The following LNX1 variants were observed in gnomAD, a reference collection of about 807,000 sequenced individuals.
The protein encoded by LNX1 is ligand of numb-protein X 1.
In LNX1, 54 loss-of-function variants were observed where a neutral mutation model predicts 68.4. The observed-to-expected ratio is 0.79, with a 90% CI of 0.63 to 0.99. The LOEUF (loss-of-function observed/expected upper bound fraction) is 0.99. LNX1 is among the 50% of genes least tolerant of loss of function. The pLI is 0.00. For synonymous variants in LNX1, 336 were observed against 350.0 expected, an observed-to-expected ratio of 0.96 and a Z score of 0.45; for missense variants, 906 against 926.4, an observed-to-expected ratio of 0.98 and a Z score of 0.29.
chr4:53,594,546 C>A (rs1254052564), upstream of LNX1, among the ~76,000 whole-genome samples: 1 of 152,010 alleles, frequency 6.6e-6, no homozygotes, highest in African/African-American at 2.4e-5. Flanking sequence ...CTCCATTCCC[C>A]CCTCCCATAC....
intron 2 of LNX1, among the ~76,000 whole-genome samples, chr4:53,598,947 G>A (rs574632619): frequency 6.6e-6 from 1 of 152,336 alleles, no homozygotes; most frequent in South Asian, 2.1e-4. Flanking sequence ...AGGAAGCAGA[G>A]CTAAGGACAA....
At chr4:53,581,612 A>G (rs1022146360) in intron 1 of LNX1, among the ~76,000 whole-genome samples, 5 of 152,212 alleles carry the variant, frequency 3.3e-5, no homozygotes, top group Admixed American at 6.5e-5. Flanking sequence ...AGGCGAGAGA[A>G]CATGTGCAGG....
intron 5 of LNX1, chr4:53,496,607 GAC>G: frequency 1.9e-6 from 1 of 520,454 alleles, no homozygotes; most frequent in Admixed American, 3.4e-5. Context: ...TCTGTGAGTA[GAC>G]ACCATCTTTC....
chr4:53,586,761 G>A (rs1314789346), intron 1 of LNX1, among the ~76,000 whole-genome samples: 2 of 152,096 alleles, frequency 1.3e-5, no homozygotes, highest in Non-Finnish European at 2.9e-5. Flanking sequence ...ATCTCAAATT[G>A]GTGGATCATC....
chr4:53,461,829 G>A (rs1369542913), intron 9 of LNX1, among the ~76,000 whole-genome samples: 1 of 151,942 alleles, frequency 6.6e-6, no homozygotes, highest in East Asian at 1.9e-4. Context: ...CAGCCCTATT[G>A]TGTTCTGTTA....
At chr4:53,629,037 C>T (rs1404953386) in intron 1 of LNX1, among the ~76,000 whole-genome samples, 1 of 152,116 alleles carries the variant, frequency 6.6e-6, no homozygotes, top group East Asian at 1.9e-4. Context: ...TATACACTAC[C>T]TGGGTGATGG....
At chr4:53,611,952 C>G (rs1733514684) in intron 2 of LNX1, among the ~76,000 whole-genome samples, 1 of 151,890 alleles carries the variant, frequency 6.6e-6, no homozygotes, top group Non-Finnish European at 1.5e-5. Flanking sequence ...ATGCAGTAGA[C>G]CATGGTAGAT....
In LNX1 at chr4:53,605,539, C is replaced by T. The variant is rs1577786934; in HGVS notation, c.-215+10978G>A. 2.0e-5 allele frequency among the ~76,000 whole-genome samples: 3 copies of T among 152,124 alleles called. No homozygotes were observed. The East Asian group carries it at 5.8e-4, about 29-fold the overall frequency. On this transcript the variant is annotated intron_variant, in intron 2 of 3. Transcript: ENST00000504299. ...CTGTACTTTAGATCTCTAGACTTAT[C>T]CACTCTATATAACTACAACTTTGTA...
At chr4:53,464,617 C>A (rs992206994) in intron 9 of LNX1, among the ~76,000 whole-genome samples, 3 of 152,000 alleles carry the variant, frequency 2.0e-5, no homozygotes, top group Admixed American at 1.3e-4. Flanking sequence ...ATACTTTGAA[C>A]AAACAGGTAT....
At chr4:53,501,083 T>C (rs936135362) in intron 4 of LNX1, among the ~76,000 whole-genome samples, 4 of 152,108 alleles carry the variant, frequency 2.6e-5, no homozygotes, top group Admixed American at 2.6e-4. Flanking sequence ...CTTAAAGAGA[T>C]AAAGGAATTT....
chr4:53,637,401 A>T (rs992601616), intron 1 of LNX1, among the ~76,000 whole-genome samples: 1 of 152,168 alleles, frequency 6.6e-6, no homozygotes, highest in Non-Finnish European at 1.5e-5. Context: ...AGCTCTTATG[A>T]TGTTCCTTAG....
chr4:53,470,969 T>A (rs1723119845), intron 9 of LNX1, among the ~76,000 whole-genome samples: 1 of 150,934 alleles, frequency 6.6e-6, no homozygotes, highest in Non-Finnish European at 1.5e-5. Context: ...ATGACTTTCT[T>A]CACAGAATTG....
intron 2 of LNX1, among the ~76,000 whole-genome samples, chr4:53,552,997 C>T (rs960755428): frequency 1.7e-4 from 26 of 152,140 alleles, no homozygotes; most frequent in Admixed American, 1.3e-3. Context: ...TATTCCCTTC[C>T]GTAGAAACCA....
At chr4:53,576,028 C>T in intron 1 of LNX1, 4 of 1,570,680 alleles carry the variant, frequency 2.5e-6, no homozygotes, top group Non-Finnish European at 3.4e-6. Context: ...CAGCCTGAAG[C>T]CCAACACCTT....
intron 1 of LNX1, among the ~76,000 whole-genome samples, chr4:53,578,062 A>G (rs967411507): frequency 6.6e-6 from 1 of 152,010 alleles, no homozygotes; most frequent in Admixed American, 6.5e-5. Context: ...CAATCACACC[A>G]AAAAAAGAAA....
intron 9 of LNX1, among the ~76,000 whole-genome samples, chr4:53,468,788 A>G (rs1342680917): frequency 2.0e-5 from 3 of 152,260 alleles, no homozygotes; most frequent in Non-Finnish European, 4.4e-5. Flanking sequence ...AAGAAGAGCT[A>G]ACTATCCTAA....
chr4:53,514,226 T>C (rs1277919831), intron 2 of LNX1, among the ~76,000 whole-genome samples: 2 of 152,222 alleles, frequency 1.3e-5, no homozygotes, highest in Admixed American at 1.3e-4. Flanking sequence ...TTGTTTTATC[T>C]CCAGTGCCAA....
Position 53,461,561 on chromosome 4 carries a change from C to T in LNX1, c.1925G>A (p.Arg642Gln), listed in dbSNP as rs752013527. Residue 642 changes from arginine to glutamine, a missense_variant, in exon 10 of 11, where the codon CGA becomes CAA. Arg to Gln is a conservative substitution (Grantham distance 43, BLOSUM62 1). Coordinates refer to ENST00000263925, the MANE Select transcript of LNX1 (RefSeq NM_001126328.3). Reference sequence around the variant, plus strand: ...GCCCAGACTTCCAGCTGTGTTTCTTCGTAATACAATATCTTTACAGTTATA... The same window carrying T: ...GCCCAGACTTCCAGCTGTGTTTCTTTGTAATACAATATCTTTACAGTTATA... ...CLYNCKDIVL[R>Q]RNTAGSLGFC... is the part of the protein sequence containing the mutation. 8 of 1,611,630 alleles carry T rather than the reference C, an allele frequency of 5.0e-6. No individual in the cohort carries two copies. Among genetic ancestry groups the T allele is most frequent in the African/African-American group, 2.7e-5 (2 of 74,824 alleles).
intron 2 of LNX1, among the ~76,000 whole-genome samples, chr4:53,516,405 G>A (rs956005812): frequency 3.9e-5 from 6 of 152,184 alleles, no homozygotes; most frequent in African/African-American, 1.2e-4. Context: ...CATGAAAACA[G>A]AAAAACCTCC....
Sources: allele counts gnomAD v4.1 joint callset (sites outside exome capture counted in the v4.1 genomes callset), GRCh38; gene constraint gnomAD v4.1.1; transcripts MANE v1.5; gene names NCBI Gene and HGNC (gene_info 2026-07-23, HGNC 2026-07-21).